UTS2: variants seen among roughly 807,000 people sequenced by gnomAD.
UTS2 encodes urotensin-2.
In UTS2, 10 loss-of-function variants were observed where a neutral mutation model predicts 12.6. The observed-to-expected ratio is 0.80, with a 90% confidence interval of 0.49 to 1.35. The LOEUF (loss-of-function observed/expected upper bound fraction) is 1.35, where lower values mean the gene tolerates loss of function less well. Ranked by LOEUF, UTS2 falls within the 40% of genes most tolerant of loss-of-function variation. The pLI is 0.00. For synonymous variants in UTS2, 52 were observed against 50.0 expected (o/e 1.04, Z -0.17); for missense variants, 142 against 143.2 (o/e 0.99, Z 0.04).
the UTS2 span, among the ~76,000 whole-genome samples, chr1:7,902,133 C>T: frequency 4.6e-5 from 7 of 152,198 alleles, no homozygotes; most frequent in South Asian, 1.4e-3. Context: ...GGTGGCAATT[C>T]CCCACCAGCT....
At chr1:7,889,989 C>T in the UTS2 span, among the ~76,000 whole-genome samples, 1 of 151,922 alleles carries the variant, frequency 6.6e-6, no homozygotes, top group African/African-American at 2.4e-5. Flanking sequence ...ATGGCTTGAA[C>T]CCGGGAGGCG....
the UTS2 span, among the ~76,000 whole-genome samples, chr1:7,878,166 A>T: frequency 6.6e-6 from 1 of 152,246 alleles, no homozygotes; most frequent in African/African-American, 2.4e-5. Flanking sequence ...GCCAGCCAGG[A>T]TACTATACCC....
upstream of UTS2, among the ~76,000 whole-genome samples, chr1:7,854,877 A>G (rs1169771815): frequency 1.3e-5 from 2 of 152,018 alleles, no homozygotes. Flanking sequence ...AATAATAATC[A>G]TGGCCAGGCA....
the UTS2 span, among the ~76,000 whole-genome samples, chr1:7,862,985 G>GTTGTGTTGTA: frequency 2.8e-4 from 21 of 73,790 alleles, 2 homozygotes; most frequent in Admixed American, 2.7e-3. Flanking sequence ...TATTTATTGT[G>GTTGTGTTGTA]TTGTGTTGTA....
chr1:7,902,866 T>C, the UTS2 span, among the ~76,000 whole-genome samples: 1 of 152,162 alleles, frequency 6.6e-6, no homozygotes, highest in Non-Finnish European at 1.5e-5. Context: ...AATTAGAGAA[T>C]GCGGGGTTCC....
chr1:7,850,831 C>G lies in UTS2; in HGVS notation c.195G>C (p.Gly65=), dbSNP rs2097413211. The G allele has an allele frequency of 6.2e-7, 1 of 1,613,976 alleles. No homozygotes were observed. The highest frequency in any genetic ancestry group is 8.5e-7 in the Non-Finnish European group (1 of 1,180,018). The part of the protein sequence containing the change: ...ILPEMLGAER[G]DILRKADSST... ...TTTTACCTGCTTTCCTGAGAATATC[C>G]CCTCTTTCTGCACCCAGCATCTCTG... Residue 65 remains glycine (G), a synonymous_variant, in exon 2 of 4, where the codon GGG becomes GGC. Transcript: ENST00000361696.
upstream of UTS2, among the ~76,000 whole-genome samples, chr1:7,858,487 A>G (rs1374512884): frequency 6.6e-6 from 1 of 152,226 alleles, no homozygotes; most frequent in Admixed American, 6.5e-5. Flanking sequence ...TAAAAATTAC[A>G]AACCTCTTTT....
At chr1:7,856,111 G>A (rs1638299711), upstream of UTS2, among the ~76,000 whole-genome samples, 1 of 152,062 alleles carries the variant, frequency 6.6e-6, no homozygotes, top group Non-Finnish European at 1.5e-5. Flanking sequence ...GATTCCAGGT[G>A]TGAGCCTCCA....
the UTS2 span, among the ~76,000 whole-genome samples, chr1:7,879,754 CAACA>C: frequency 4.1e-4 from 58 of 141,976 alleles, 1 homozygote; most frequent in African/African-American, 1.5e-3. Flanking sequence ...ACAACAACAA[CAACA>C]AAAGTCTTGA....
At chr1:7,907,697 G>A in the UTS2 span, among the ~76,000 whole-genome samples, 1 of 151,518 alleles carries the variant, frequency 6.6e-6, no homozygotes, top group Non-Finnish European at 1.5e-5. Flanking sequence ...AACTGACAGT[G>A]AGCTTCTGAG....
the UTS2 span, among the ~76,000 whole-genome samples, chr1:7,864,295 G>A: frequency 6.6e-6 from 1 of 152,248 alleles, no homozygotes; most frequent in Admixed American, 6.5e-5. Flanking sequence ...GCTCAGGAAC[G>A]GATACTCCAC....
At chr1:7,889,804 C>T in the UTS2 span, among the ~76,000 whole-genome samples, 4 of 151,046 alleles carry the variant, frequency 2.6e-5, no homozygotes, top group Non-Finnish European at 4.4e-5. Flanking sequence ...CAGTGGCTCA[C>T]GCCTGTAATC....
the UTS2 span, among the ~76,000 whole-genome samples, chr1:7,882,072 T>C: frequency 2.1e-4 from 32 of 152,242 alleles, no homozygotes; most frequent in African/African-American, 7.2e-4. Context: ...TGGTGGCATA[T>C]GTGTGTAACC....
At chr1:7,897,186 T>G in the UTS2 span, among the ~76,000 whole-genome samples, 1 of 152,326 alleles carries the variant, frequency 6.6e-6, no homozygotes, top group African/African-American at 2.4e-5. Context: ...TTGGGGATAT[T>G]CCTGTTTGAA....
At chr1:7,852,285 G>T (rs578166132) in intron 1 of UTS2, among the ~76,000 whole-genome samples, 2 of 152,262 alleles carry the variant, frequency 1.3e-5, no homozygotes, top group Admixed American at 6.5e-5. Flanking sequence ...TAAATGGAAA[G>T]ATAATGGCAA....
At chr1:7,897,335 CTGT>C in the UTS2 span, among the ~76,000 whole-genome samples, 2 of 152,060 alleles carry the variant, frequency 1.3e-5, no homozygotes, top group Non-Finnish European at 2.9e-5. Context: ...GGGAAAGTCC[CTGT>C]ATCCTATTCT....
the UTS2 span, among the ~76,000 whole-genome samples, chr1:7,861,787 G>A: frequency 1.3e-5 from 2 of 152,120 alleles, no homozygotes. Context: ...CTGGCAGGTG[G>A]TGTGGAGCGT....
the UTS2 span, among the ~76,000 whole-genome samples, chr1:7,876,009 G>A: frequency 2.6e-5 from 4 of 152,138 alleles, no homozygotes; most frequent in Admixed American, 6.5e-5. Flanking sequence ...CCTAGGGATC[G>A]ATCCACCTCA....
chr1:7,896,783 C>T, the UTS2 span, among the ~76,000 whole-genome samples: 5 of 152,096 alleles, frequency 3.3e-5, no homozygotes, highest in Non-Finnish European at 5.9e-5. Flanking sequence ...GCAACTTCCA[C>T]CTCCCAGGTT....
Sources: gnomAD v4.1 joint callset for allele counts (sites outside exome capture counted in the v4.1 genomes callset) on GRCh38, gnomAD v4.1.1 for gene constraint, MANE v1.5 for transcripts, NCBI Gene and HGNC (gene_info 2026-07-23, HGNC 2026-07-21) for gene names.